DUOX1: variants seen among roughly 807,000 people sequenced by gnomAD.
The protein encoded by DUOX1 is NADPH thyroid oxidase 1.
A neutral mutation model predicts 181.8 loss-of-function variants in DUOX1; 134 were observed. The ratio of observed to expected loss-of-function variants is 0.74; its 90% CI spans 0.64 to 0.85. The LOEUF (loss-of-function observed/expected upper bound fraction) is 0.85. Ranked by LOEUF, DUOX1 falls within the 40% of genes least tolerant of loss-of-function variation. The pLI, the probability that DUOX1 is intolerant of heterozygous loss-of-function variation, is 0.00. For synonymous variants in DUOX1, 798 were observed against 832.5 expected, an observed-to-expected ratio of 0.96 and a Z score of 0.71; for missense variants, 1,814 against 2,064.4, an observed-to-expected ratio of 0.88 and a Z score of 2.35.
chr15:45,141,184 C>T, intron 13 of DUOX1, 108 bp from the exon 14 acceptor site: 1 of 1,560,448 alleles, frequency 6.4e-7, no homozygotes, highest in Non-Finnish European at 8.8e-7. Flanking sequence ...CCACCACCCA[C>T]TTCCCAACAC....
At position 45,153,494 on chromosome 15, in the gene DUOX1, ATGTG is replaced by A. The variant is rs58154992; in HGVS notation, c.3524+65_3524+68del. ...CATGATGATGGGTGAGTAAGTGCGA[ATGTG>A]TGTGTGTGTGTGTGTGTGTGTGTGT... On this transcript the variant is annotated intron_variant, in intron 26 of 33. Transcript: ENST00000389037. The A allele has an allele frequency of 4.4e-3, 3,928 of 884,372 alleles. 72 individuals carry two copies. In the African/African-American group the frequency reaches 0.061, roughly 14 times the overall value. 54.8% of individuals were successfully genotyped at this position (884,372 alleles called of 1,614,324 possible).
chr15:45,145,772 G>A (rs528137148), intron 18 of DUOX1, among the ~76,000 whole-genome samples: 8 of 152,110 alleles, frequency 5.3e-5, no homozygotes, highest in East Asian at 1.9e-4. Context: ...AAAATTAGCC[G>A]GGTGTGGTGG....
rs779219204 is a variant in DUOX1 at position 45,161,829 on chromosome 15, C to T, written c.3948C>T (p.Thr1316=). 2.9e-5 allele frequency: 46 copies of T among 1,613,992 alleles called. No individual in the cohort carries two copies. The highest frequency in any genetic ancestry group is 1.7e-4 in the African/African-American group (13 of 74,992). Residue 1316 remains threonine, a synonymous_variant, in exon 30 of 34, where the codon ACC becomes ACT. Coordinates refer to ENST00000389037, the MANE Select transcript of DUOX1 (RefSeq NM_175940.3). ...VRIACLALGT[T]EYHPFTLTSA... ...TCGCTTGCCTGGCTCTGGGGACCACCGAGTACCACCCCTTCACACTGACCT... is the reference window on the plus strand; with the variant it reads ...TCGCTTGCCTGGCTCTGGGGACCACTGAGTACCACCCCTTCACACTGACCT...
intron 16 of DUOX1, 105 bp from the exon 17 acceptor site, chr15:45,143,931 G>A (rs1347517968): frequency 9.1e-7 from 1 of 1,101,800 alleles, no homozygotes; most frequent in Non-Finnish European, 1.3e-6. Context: ...AGGGGACAAT[G>A]AACTGTGGAG....
At position 45,162,355 on chromosome 15, in the gene DUOX1, G is replaced by A; in HGVS notation, c.4226G>A (p.Ser1409Asn). ...GACCTGGTCTTCAAGTCATCCGTCA[G>A]CTGCCAAGTGTTCTGTAAGAAGGTG... is the stretch of plus-strand genomic sequence containing the variant. ...LKDLVFKSSV[S>N]CQVFCKKIYF... The change falls in exon 31 of 34, where the codon AGC becomes AAC. Residue 1409 changes from serine to asparagine, a missense_variant. Coordinates refer to ENST00000389037, the MANE Select transcript of DUOX1 (RefSeq NM_175940.3). 1.2e-6 allele frequency: 2 copies of A among 1,614,008 alleles called. No homozygotes were observed. Among genetic ancestry groups the A allele is most frequent in the Non-Finnish European group, 1.7e-6 (2 of 1,179,950 alleles).
In DUOX1 at chr15:45,131,937, T is replaced by A. The variant is rs780770636; in HGVS notation, c.-30T>A. 52 of 1,613,006 alleles carry A rather than the reference T, an allele frequency of 3.2e-5. 1 individual carries two copies. The South Asian group carries it at 5.6e-4, about 17-fold the overall frequency. On this transcript the variant is annotated 5_prime_UTR_variant, in exon 2 of 34. Coordinates refer to ENST00000389037, the MANE Select transcript of DUOX1 (RefSeq NM_175940.3). ...TTCTAGGGTCTCCATTTTGGGACATTCTAATCCCTGAGCCCCTATTATTTT... is the reference window on the plus strand; with the variant it reads ...TTCTAGGGTCTCCATTTTGGGACATACTAATCCCTGAGCCCCTATTATTTT...
chr15:45,149,065 G>A lies in DUOX1; in HGVS notation c.2818+618G>A, dbSNP rs973619707. Reference sequence around the variant, plus strand: ...AGTGGGTGGGGGCTAGAGTTAGAGTGAGGAATGGGCAAGCAGCAGGCAGGA... The same window carrying A: ...AGTGGGTGGGGGCTAGAGTTAGAGTAAGGAATGGGCAAGCAGCAGGCAGGA... On this transcript the variant is annotated intron_variant, in intron 21 of 33. Coordinates refer to ENST00000389037, the MANE Select transcript of DUOX1 (RefSeq NM_175940.3). Among the ~76,000 whole-genome samples the A allele has an allele frequency of 3.3e-5, 5 of 152,296 alleles. No homozygotes were observed. The East Asian group carries it at 7.7e-4, about 24-fold the overall frequency.
At position 45,151,170 on chromosome 15, in the gene DUOX1, C is replaced by G; in HGVS notation, c.2936C>G (p.Thr979Ser). ...CGCTGTTCCCGCAGCGACATTGAGACTGAGTTGACACCTCAGAGACTGCAG... is the reference window on the plus strand; with the variant it reads ...CGCTGTTCCCGCAGCGACATTGAGAGTGAGTTGACACCTCAGAGACTGCAG... ...SARCSRSDIE[T>S]ELTPQRLQCP... The change falls in exon 23 of 34, where the codon ACT (threonine) becomes AGT (serine). Residue 979 changes from threonine (T) to serine (S), a missense_variant. Coordinates refer to ENST00000389037, the MANE Select transcript of DUOX1 (RefSeq NM_175940.3). 1 of 1,614,206 alleles carries G rather than the reference C, an allele frequency of 6.2e-7. No homozygotes were observed. The highest frequency in any genetic ancestry group is 1.1e-5 in the South Asian group (1 of 91,088).
rs1310325530 is a variant in DUOX1 at position 45,135,572 on chromosome 15, G to T, written c.594G>T (p.Ala198=). ...ALRSFSRGQL[A]SGPDPAFPRD... The stretch of plus-strand genomic sequence containing the variant: ...GGAGCTTCTCCAGGGGACAGCTGGC[G>T]TCGGGGCCCGACCCCGCTTTTCCCC... The change falls in exon 6 of 34, where the codon GCG becomes GCT. Residue 198 remains alanine, a synonymous_variant. Transcript: ENST00000389037. The T allele has an allele frequency of 6.4e-7, 1 of 1,560,596 alleles. No individual in the cohort carries two copies. The highest frequency in any genetic ancestry group is 1.4e-5 in the African/African-American group (1 of 73,906).
chr15:45,152,332 C>T lies in DUOX1; in HGVS notation c.3240C>T (p.Arg1080=), dbSNP rs566850299. 3 of 1,614,202 alleles carry T rather than the reference C, an allele frequency of 1.9e-6. No homozygotes were observed. Among genetic ancestry groups the T allele is most frequent in the South Asian group, 1.1e-5 (1 of 91,086 alleles). ...AHHTGITDTT[R]VGIILSRGTA... is the part of the protein sequence containing the mutation. ...ACACGGGCATCACAGACACCACCCG[C>T]GTGGGAATCATCCTGTCGCGGGGCA... is the stretch of plus-strand genomic sequence containing the variant. The change falls in exon 25 of 34, where the codon CGC becomes CGT. Residue 1080 remains arginine (R), a synonymous_variant. Transcript: ENST00000389037.
chr15:45,137,360 C>CAAAAAA (rs748162336), intron 9 of DUOX1, among the ~76,000 whole-genome samples: 39 of 46,276 alleles, frequency 8.4e-4, no homozygotes, highest in East Asian at 3.5e-3. Flanking sequence ...AACTCCATCT[C>CAAAAAA]AAAAAAAAAA....
chr15:45,142,562 C>T (rs1034854658), intron 15 of DUOX1, among the ~76,000 whole-genome samples: 1 of 151,976 alleles, frequency 6.6e-6, no homozygotes, highest in Non-Finnish European at 1.5e-5. Context: ...CATGTCTCTC[C>T]TAAAAATACA....
intron 25 of DUOX1, chr15:45,152,995 C>T (rs941550815): frequency 8.2e-5 from 24 of 292,852 alleles, no homozygotes; most frequent in African/African-American, 4.4e-4. Context: ...CTGAGGCGGG[C>T]GGATCACTTG....
At chr15:45,151,816 C>A in intron 23 of DUOX1, 58 bp from the exon 24 acceptor site, 1 of 1,547,948 alleles carries the variant, frequency 6.5e-7, no homozygotes, top group Non-Finnish European at 8.7e-7. Context: ...TGAAGTGGGG[C>A]CCCACTAGCG....
chr15:45,136,830 G>A (rs192495939), intron 9 of DUOX1, among the ~76,000 whole-genome samples: 253 of 151,440 alleles, frequency 1.7e-3, no homozygotes, highest in African/African-American at 6.0e-3. Context: ...TCCTGCTGCT[G>A]GTGTAGATAT....
At chr15:45,148,174 C>T in intron 20 of DUOX1, 98 bp from the exon 21 acceptor site, 1 of 1,573,358 alleles carries the variant, frequency 6.4e-7, no homozygotes, top group Non-Finnish European at 8.7e-7. Context: ...GGCCCCTCCA[C>T]ATGGGCACAG....
chr15:45,152,078 C>T (rs759066476), intron 24 of DUOX1, 26 bp downstream of exon 24: 7 of 1,609,586 alleles, frequency 4.3e-6, no homozygotes, highest in Non-Finnish European at 5.1e-6. Flanking sequence ...TACCACGAGC[C>T]CTGTCCCTAG....
At chr15:45,153,514 G>C in intron 26 of DUOX1, 35 bp downstream of exon 26, 1 of 1,007,650 alleles carries the variant, frequency 9.9e-7, no homozygotes, top group Non-Finnish European at 1.5e-6. Flanking sequence ...GTGTGTGTGT[G>C]TGTGTGTGTG....
At chr15:45,153,729 C>T (rs753778727) in intron 26 of DUOX1, 121 of 633,780 alleles carry the variant, frequency 1.9e-4, no homozygotes, top group Non-Finnish European at 2.7e-4. Context: ...TCCCAAAGAT[C>T]TCCTCTCATT....
Sources: allele counts gnomAD v4.1 joint callset (sites outside exome capture counted in the v4.1 genomes callset), GRCh38; gene constraint gnomAD v4.1.1; transcripts MANE v1.5; gene names NCBI Gene and HGNC (gene_info 2026-07-23, HGNC 2026-07-21).